Variants in PLEKHA5 observed in about 807,000 individuals in gnomAD.
PLEKHA5 encodes the protein pleckstrin homology domain-containing family A member 5.
Under a neutral mutation model 181.9 loss-of-function variants are expected in PLEKHA5, and 55 were observed. That is an observed-to-expected ratio of 0.30 (90% confidence interval 0.24 to 0.38). The LOEUF is 0.38. Ranked by LOEUF, PLEKHA5 falls within the 10% of genes least tolerant of loss-of-function variation. The pLI is 1.00. For synonymous variants in PLEKHA5, 535 were observed against 529.4 expected (o/e 1.01, Z -0.15); for missense variants, 1,432 against 1,549.5 (o/e 0.92, Z 1.27).
At chr12:19,238,687 C>A (rs2061841623) in intron 3 of PLEKHA5, among the ~76,000 whole-genome samples, 2 of 147,072 alleles carry the variant, frequency 1.4e-5, no homozygotes, top group South Asian at 4.2e-4. Context: ...ACATTTTAAA[C>A]AAAGATGTTT....
chr12:19,244,856 T>G (rs1592183256), intron 3 of PLEKHA5, among the ~76,000 whole-genome samples: 1 of 152,326 alleles, frequency 6.6e-6, no homozygotes, highest in East Asian at 1.9e-4. Flanking sequence ...GTATTGGCTG[T>G]TATTGGCAAT....
intron 15 of PLEKHA5, among the ~76,000 whole-genome samples, chr12:19,293,269 G>C (rs1170581040): frequency 6.6e-6 from 1 of 152,072 alleles, no homozygotes; most frequent in Admixed American, 6.6e-5. Context: ...CCTTTGAAAG[G>C]TGTTAAATCA....
At chr12:19,226,672 CA>C (rs1394023174) in intron 3 of PLEKHA5, among the ~76,000 whole-genome samples, 6 of 152,214 alleles carry the variant, frequency 3.9e-5, no homozygotes, top group African/African-American at 1.4e-4. Context: ...TGAAATTTTT[CA>C]AAGAAAAGCT....
Position 19,328,955 on chromosome 12 carries a change from G to A in PLEKHA5, c.2448+6288G>A, listed in dbSNP as rs2092561371. ...TGCCAGTTTTTGCCCATCTCAGTAT[G>A]ATGTTGGCTGTATATTTGTCATAGA... On this transcript the variant is annotated intron_variant, in intron 20 of 31. Transcript: ENST00000429027. 2.0e-5 allele frequency among the ~76,000 whole-genome samples: 3 copies of A among 152,098 alleles called. No individual in the cohort carries two copies. In the South Asian group the frequency reaches 6.2e-4, roughly 32 times the overall value.
intron 22 of PLEKHA5, among the ~76,000 whole-genome samples, chr12:19,345,268 C>T (rs1296161419): frequency 2.0e-5 from 3 of 151,556 alleles, no homozygotes; most frequent in East Asian, 1.9e-4. Flanking sequence ...TGCATGGTGG[C>T]GTGCACCTAT....
At chr12:19,287,147 G>A (rs897710568) in intron 12 of PLEKHA5, among the ~76,000 whole-genome samples, 3 of 151,846 alleles carry the variant, frequency 2.0e-5, no homozygotes, top group South Asian at 2.1e-4. Flanking sequence ...ACAGGCCCAC[G>A]CCACCACACC....
chr12:19,324,960 C>T (rs1213681579), intron 20 of PLEKHA5, among the ~76,000 whole-genome samples: 1 of 152,182 alleles, frequency 6.6e-6, no homozygotes, highest in East Asian at 1.9e-4. Flanking sequence ...GGTATCTGCT[C>T]TTGAAATTCC....
Position 19,376,243 on chromosome 12 carries a change from G to A in PLEKHA5, c.*724G>A, listed in dbSNP as rs561966562. On this transcript the variant is annotated 3_prime_UTR_variant, in exon 32 of 32. Coordinates refer to ENST00000429027, the MANE Select transcript of PLEKHA5 (RefSeq NM_001256470.2). ...CAGCAATAAGCAGGTTTCCAAATCC[G>A]GTACTTAGTTTGTGTACAAATGTAA... The A allele has an allele frequency of 6.9e-4, 105 of 152,016 alleles. 1 individual carries two copies. Among genetic ancestry groups the A allele is most frequent in the African/African-American group, 2.2e-3 (90 of 41,340 alleles). 9.4% of individuals were successfully genotyped at this position (152,016 alleles called of 1,614,324 possible). A position where few individuals can be genotyped will look rare whatever the true frequency, so the allele number is the denominator to read the frequency against.
chr12:19,191,706 C>G (rs1160677011), intron 3 of PLEKHA5, among the ~76,000 whole-genome samples: 1 of 152,126 alleles, frequency 6.6e-6, no homozygotes, highest in African/African-American at 2.4e-5. Flanking sequence ...GTAGTTCTGG[C>G]TCAGGTTCTC....
intron 3 of PLEKHA5, chr12:19,201,760 A>G (rs1282184886): frequency 2.0e-5 from 3 of 152,150 alleles, no homozygotes; most frequent in African/African-American, 7.2e-5. Context: ...CAGAAAGGCA[A>G]ATTATAGAGA....
Position 19,164,409 on chromosome 12 carries a change from G to C in PLEKHA5, c.227+31959G>C, listed in dbSNP as rs573972258. Reference sequence around the variant, plus strand: ...GGAGTTTCACCATGTTGGCCAAACTGGTCTCAAACTCCTGACCCCAAGTGA... The same window carrying C: ...GGAGTTTCACCATGTTGGCCAAACTCGTCTCAAACTCCTGACCCCAAGTGA... On this transcript the variant is annotated intron_variant, in intron 3 of 31. Coordinates refer to ENST00000429027, the MANE Select transcript of PLEKHA5 (RefSeq NM_001256470.2). Among the ~76,000 whole-genome samples, 65 of 151,992 alleles carry C rather than the reference G, an allele frequency of 4.3e-4. No individual in the cohort carries two copies. The South Asian group carries it at 0.013, about 30-fold the overall frequency.
At chr12:19,187,863 G>C (rs541722089) in intron 3 of PLEKHA5, among the ~76,000 whole-genome samples, 2 of 152,130 alleles carry the variant, frequency 1.3e-5, no homozygotes, top group African/African-American at 4.8e-5. Flanking sequence ...TTTTAAATGT[G>C]ATCTGTTTCA....
chr12:19,146,277 C>T lies in PLEKHA5; in HGVS notation c.227+13827C>T, dbSNP rs541294250. On this transcript the variant is annotated intron_variant, in intron 3 of 31. Coordinates refer to ENST00000429027, the MANE Select transcript of PLEKHA5 (RefSeq NM_001256470.2). ...ATCTTCTTGTTTGAATTTACATGCTCCTGATTTCAGCCATGCATGGCATCT... is the reference window on the plus strand; with the variant it reads ...ATCTTCTTGTTTGAATTTACATGCTTCTGATTTCAGCCATGCATGGCATCT... Among the ~76,000 whole-genome samples, 14 of 152,322 alleles carry T rather than the reference C, an allele frequency of 9.2e-5. No individual in the cohort carries two copies. The South Asian group carries it at 2.5e-3, about 27-fold the overall frequency.
intron 20 of PLEKHA5, among the ~76,000 whole-genome samples, chr12:19,324,013 T>C (rs1024698076): frequency 2.0e-5 from 3 of 152,124 alleles, no homozygotes; most frequent in African/African-American, 7.2e-5. Flanking sequence ...AGAGCACCAG[T>C]CTAAGCAGCT....
intron 16 of PLEKHA5, among the ~76,000 whole-genome samples, chr12:19,315,437 C>T (rs1179536915): frequency 6.6e-6 from 1 of 152,108 alleles, no homozygotes; most frequent in African/African-American, 2.4e-5. Context: ...TTACCATTCT[C>T]AAGCAGTCGT....
chr12:19,263,825 C>T (rs2069365501), intron 7 of PLEKHA5, among the ~76,000 whole-genome samples: 1 of 152,048 alleles, frequency 6.6e-6, no homozygotes, highest in Non-Finnish European at 1.5e-5. Context: ...ATGGCAGAGA[C>T]AAAAGAAAAT....
At chr12:19,175,382 C>G (rs2151746773) in intron 3 of PLEKHA5, among the ~76,000 whole-genome samples, 1 of 152,152 alleles carries the variant, frequency 6.6e-6, no homozygotes, top group Non-Finnish European at 1.5e-5. Context: ...TAGAAATTAA[C>G]CAGACTTTTT....
chr12:19,138,637 T>C lies in PLEKHA5; in HGVS notation c.227+6187T>C, dbSNP rs369651637. On this transcript the variant is annotated intron_variant, in intron 3 of 31. Transcript: ENST00000429027. The stretch of plus-strand genomic sequence containing the variant: ...GAATTCAGAGGAGGAAGAGGCAGCC[T>C]AGGCTGGGCTGCCCTGGAACGACTT... Among the ~76,000 whole-genome samples, 21 of 151,282 alleles carry C rather than the reference T, an allele frequency of 1.4e-4. No homozygotes were observed. In the East Asian group the frequency reaches 3.5e-3, roughly 25 times the overall value.
At chr12:19,193,631 C>T (rs2051815858) in intron 3 of PLEKHA5, among the ~76,000 whole-genome samples, 1 of 152,168 alleles carries the variant, frequency 6.6e-6, no homozygotes, top group African/African-American at 2.4e-5. Context: ...GAGAGCCTCC[C>T]AGCACATCGT....
Sources: allele counts gnomAD v4.1 joint callset (sites outside exome capture counted in the v4.1 genomes callset), GRCh38; gene constraint gnomAD v4.1.1; transcripts MANE v1.5; gene names NCBI Gene and HGNC (gene_info 2026-07-23, HGNC 2026-07-21).